Variants in CSMD1 observed in about 807,000 individuals in gnomAD.
CSMD1 encodes the protein CUB and sushi domain-containing protein 1.
In CSMD1, 213 loss-of-function variants were observed where a neutral mutation model predicts 417.5. That is an observed-to-expected ratio of 0.51 (90% CI 0.46 to 0.57). CSMD1 has a LOEUF of 0.57. Among genes scored for constraint, CSMD1 ranks in the 20% least tolerant of loss-of-function variants. The pLI is 0.00. For synonymous variants in CSMD1, 2,862 were observed against 1,736.8 expected, an observed-to-expected ratio of 1.65 and a Z score of -16.11; for missense variants, 6,923 against 4,529.7, an observed-to-expected ratio of 1.53 and a Z score of -15.17.
At chr8:4,207,784 C>G (rs1484946369) in intron 3 of CSMD1, among the ~76,000 whole-genome samples, 4 of 152,084 alleles carry the variant, frequency 2.6e-5, no homozygotes, top group Admixed American at 2.6e-4. Context: ...ACCATTAGAA[C>G]TGGCAATAGC....
intron 11 of CSMD1, among the ~76,000 whole-genome samples, chr8:3,489,239 T>A (rs749328014): frequency 1.9e-4 from 29 of 152,180 alleles, no homozygotes; most frequent in Admixed American, 6.5e-4. Context: ...AAAAATGGAT[T>A]AATCCAGCCC....
chr8:4,201,243 G>GA (rs1799626136), intron 3 of CSMD1, among the ~76,000 whole-genome samples: 6 of 152,140 alleles, frequency 3.9e-5, no homozygotes, highest in Admixed American at 2.0e-4. Context: ...ATGGTTGTAA[G>GA]TAAAAAAATT....
chr8:4,147,308 G>C (rs553486803), intron 3 of CSMD1, among the ~76,000 whole-genome samples: 59 of 152,226 alleles, frequency 3.9e-4, no homozygotes, highest in Middle Eastern at 6.8e-3. Context: ...GCGGGGAAGG[G>C]GAAGCCTTCT....
intron 6 of CSMD1, among the ~76,000 whole-genome samples, chr8:3,729,976 C>T (rs2623690): frequency 0.97 from 104,753 of 107,754 alleles, 51,040 homozygotes; most frequent in East Asian, 1. Context: ...AACAGAAGAA[C>T]GGATACATAA....
chr8:3,221,040 G>A (rs1266936440), intron 28 of CSMD1, among the ~76,000 whole-genome samples: 35 of 152,014 alleles, frequency 2.3e-4, no homozygotes, highest in Admixed American at 2.3e-3. Context: ...TGGTTTGTTT[G>A]TTTGTTTTGT....
chr8:3,221,427 G>T (rs561654624), intron 28 of CSMD1, among the ~76,000 whole-genome samples: 2 of 152,250 alleles, frequency 1.3e-5, no homozygotes, highest in African/African-American at 4.8e-5. Context: ...GTATTGGCAA[G>T]GATGTTATTA....
At chr8:4,665,139 C>T (rs1362513832) in intron 1 of CSMD1, among the ~76,000 whole-genome samples, 1 of 152,148 alleles carries the variant, frequency 6.6e-6, no homozygotes. Context: ...CTAGATTAAA[C>T]CTCCTGCATT....
chr8:3,835,259 A>C (rs952211574), intron 5 of CSMD1, among the ~76,000 whole-genome samples: 23 of 151,854 alleles, frequency 1.5e-4, no homozygotes, highest in Admixed American at 1.2e-3. Context: ...CTATAAAGAC[A>C]CATGCACACA....
intron 2 of CSMD1, among the ~76,000 whole-genome samples, chr8:4,454,008 G>A (rs549036352): frequency 2.6e-5 from 4 of 151,706 alleles, no homozygotes; most frequent in Non-Finnish European, 5.9e-5. Context: ...TTTTTTAGTA[G>A]AGACGGGGTT....
intron 11 of CSMD1, among the ~76,000 whole-genome samples, chr8:3,477,417 G>C (rs754279194): frequency 1.3e-5 from 2 of 152,178 alleles, no homozygotes; most frequent in Non-Finnish European, 2.9e-5. Flanking sequence ...AGAATGTGGA[G>C]AAAGCAGAGT....
chr8:4,849,934 A>T (rs1474021837), intron 1 of CSMD1, among the ~76,000 whole-genome samples: 5 of 152,228 alleles, frequency 3.3e-5, no homozygotes, highest in South Asian at 2.1e-4. Context: ...ATGTTTAAAC[A>T]TTTCAGGAAT....
intron 3 of CSMD1, among the ~76,000 whole-genome samples, chr8:4,175,380 G>C (rs780529248): frequency 2.6e-5 from 4 of 152,112 alleles, no homozygotes; most frequent in Non-Finnish European, 4.4e-5. Flanking sequence ...GCTCTAGTCT[G>C]ATCTTCTCTC....
At chr8:4,669,265 C>A (rs960816960) in intron 1 of CSMD1, among the ~76,000 whole-genome samples, 2 of 152,128 alleles carry the variant, frequency 1.3e-5, no homozygotes, top group Admixed American at 1.3e-4. Flanking sequence ...CTGATTTTTA[C>A]CTCTGTTATC....
At chr8:4,359,336 AAC>A (rs1801618882) in intron 3 of CSMD1, among the ~76,000 whole-genome samples, 1 of 152,260 alleles carries the variant, frequency 6.6e-6, no homozygotes. Context: ...AAATAGGTAC[AAC>A]ATATCTAAAC....
In CSMD1 at chr8:3,949,835, T is replaced by TTGA. The variant is rs1221883535; in HGVS notation, c.818+48065_818+48067dup. On this transcript the variant is annotated intron_variant, in intron 5 of 69. Transcript: ENST00000635120. Reference sequence around the variant, plus strand: ...GGCAATGACCTGCTTCCATCTTTCATTGATTGAGGGGATCCCTGGGGACAT... The same window carrying TTGA: ...GGCAATGACCTGCTTCCATCTTTCATTGATGATTGAGGGGATCCCTGGGGACAT... 9.0e-6 allele frequency: 4 copies of TTGA among 446,570 alleles called. No individual in the cohort carries two copies. The Admixed American group carries it at 9.6e-5, about 11-fold the overall frequency. 27.7% of individuals were successfully genotyped at this position (446,570 alleles called of 1,614,324 possible).
chr8:3,240,238 G>C (rs1327402433), intron 26 of CSMD1, among the ~76,000 whole-genome samples: 1 of 152,110 alleles, frequency 6.6e-6, no homozygotes. Flanking sequence ...GTTGGGATGA[G>C]ACAGGGAGAG....
chr8:3,775,602 A>C (rs1433010931), intron 5 of CSMD1, among the ~76,000 whole-genome samples: 2 of 152,170 alleles, frequency 1.3e-5, no homozygotes, highest in Admixed American at 1.3e-4. Flanking sequence ...CTTGTCAGTA[A>C]AGTTCGTAAA....
At chr8:4,322,709 G>C (rs1425028629) in intron 3 of CSMD1, among the ~76,000 whole-genome samples, 3 of 152,194 alleles carry the variant, frequency 2.0e-5, no homozygotes, top group South Asian at 4.1e-4. Context: ...TGAAAATGCA[G>C]TAGGGGCCAG....
chr8:4,904,684 G>A lies in CSMD1; in HGVS notation c.85+89648C>T, dbSNP rs191310409. 5.3e-5 allele frequency among the ~76,000 whole-genome samples: 8 copies of A among 152,104 alleles called. No individual in the cohort carries two copies. In the East Asian group the frequency reaches 1.4e-3, roughly 26 times the overall value. Reference sequence around the variant, plus strand: ...TGTGAGCCTGTCCTTGTTAAGTACTGGGGAAAACTAAAATGGAAGAAAGTA... The same window carrying A: ...TGTGAGCCTGTCCTTGTTAAGTACTAGGGAAAACTAAAATGGAAGAAAGTA... On this transcript the variant is annotated intron_variant, in intron 1 of 69. Coordinates refer to ENST00000635120, the MANE Select transcript of CSMD1 (RefSeq NM_033225.6).
Sources: allele counts gnomAD v4.1 joint callset (sites outside exome capture counted in the v4.1 genomes callset), GRCh38; gene constraint gnomAD v4.1.1; transcripts MANE v1.5; gene names NCBI Gene and HGNC (gene_info 2026-07-23, HGNC 2026-07-21).